The following EVA1C variants were observed in gnomAD, a reference collection of about 807,000 sequenced individuals.
EVA1C encodes the protein protein eva-1 homolog C.
In EVA1C, 25 loss-of-function variants were observed where a neutral mutation model predicts 45.4. The ratio of observed to expected loss-of-function variants is 0.55; its 90% CI spans 0.40 to 0.77. The LOEUF is 0.77. Ranked by LOEUF, EVA1C falls within the 30% of genes least tolerant of loss-of-function variation. The probability of loss-of-function intolerance (pLI) is 0.00; values close to 1 mark genes in which losing one functional copy is unlikely to be tolerated. For missense variants in EVA1C, 479 were observed against 554.8 expected (o/e 0.86, Z 1.37); for synonymous variants, 190 against 221.2 (o/e 0.86, Z 1.25).
chr21:32,460,713 A>T (rs2035965269), intron 3 of EVA1C, among the ~76,000 whole-genome samples: 2 of 151,850 alleles, frequency 1.3e-5, no homozygotes, highest in Middle Eastern at 3.4e-3. Flanking sequence ...TCAGGGCTTC[A>T]TGGAGAGGCA....
At chr21:32,488,168 A>G (rs1465778423) in intron 4 of EVA1C, among the ~76,000 whole-genome samples, 1 of 152,244 alleles carries the variant, frequency 6.6e-6, no homozygotes, top group Non-Finnish European at 1.5e-5. Context: ...ATACAACTCA[A>G]CTGTAAAAAG....
chr21:32,493,825 A>C (rs1342849790), intron 4 of EVA1C: 1 of 149,894 alleles, frequency 6.7e-6, no homozygotes, highest in East Asian at 2.0e-4. Flanking sequence ...TTTGAGACGC[A>C]GTCTTGCTTG....
intron 4 of EVA1C, among the ~76,000 whole-genome samples, chr21:32,484,862 C>T (rs1317033611): frequency 1.3e-5 from 2 of 152,198 alleles, no homozygotes; most frequent in African/African-American, 2.4e-5. Context: ...CGGCCTCTGC[C>T]ATCTCCATAG....
intron 1 of EVA1C, among the ~76,000 whole-genome samples, chr21:32,435,851 T>TAA (rs1555852437): frequency 4.9e-4 from 52 of 105,198 alleles, no homozygotes; most frequent in African/African-American, 1.6e-3. Flanking sequence ...TCCTTCTAAG[T>TAA]AAAGAAAAAT....
intron 7 of EVA1C, among the ~76,000 whole-genome samples, chr21:32,514,413 T>G (rs2038069928): frequency 6.6e-6 from 1 of 152,194 alleles, no homozygotes; most frequent in Non-Finnish European, 1.5e-5. Flanking sequence ...TTATAGGAAT[T>G]AACTCATTTC....
chr21:32,509,221 G>T (rs1457040144), intron 7 of EVA1C, among the ~76,000 whole-genome samples: 3 of 152,232 alleles, frequency 2.0e-5, no homozygotes, highest in Non-Finnish European at 4.4e-5. Flanking sequence ...CCAACATCTG[G>T]TGAGTTTGTA....
intron 4 of EVA1C, among the ~76,000 whole-genome samples, chr21:32,477,702 CTCCCCCG>C (rs2036616618): frequency 2.6e-5 from 2 of 76,496 alleles, no homozygotes; most frequent in Non-Finnish European, 5.5e-5. Context: ...ACGCTCTCAC[CTCCCCCG>C]TACGCCCTCA....
chr21:32,446,897 C>T (rs532695406), intron 1 of EVA1C, among the ~76,000 whole-genome samples: 6 of 152,308 alleles, frequency 3.9e-5, no homozygotes, highest in Admixed American at 2.0e-4. Context: ...CTCGTGGGCA[C>T]AGCCTCCTGC....
chr21:32,449,224 C>T (rs1376768089), intron 1 of EVA1C, among the ~76,000 whole-genome samples: 2 of 152,190 alleles, frequency 1.3e-5, no homozygotes, highest in Admixed American at 6.5e-5. Context: ...ATCACTATCA[C>T]CCAGAGTCCA....
At chr21:32,484,050 T>G (rs931522804) in intron 4 of EVA1C, among the ~76,000 whole-genome samples, 1 of 151,926 alleles carries the variant, frequency 6.6e-6, no homozygotes, top group African/African-American at 2.4e-5. Flanking sequence ...ACTTTCCAAT[T>G]TTTTAGTGGT....
At chr21:32,420,934 G>A (rs1171932410) in intron 1 of EVA1C, among the ~76,000 whole-genome samples, 2 of 152,216 alleles carry the variant, frequency 1.3e-5, no homozygotes, top group Non-Finnish European at 2.9e-5. Context: ...TGGCACTTCT[G>A]TCATGTTTAT....
intron 4 of EVA1C, chr21:32,493,772 T>C (rs764198835): frequency 2.7e-5 from 2 of 75,092 alleles, no homozygotes; most frequent in Non-Finnish European, 5.1e-5. Context: ...GGTAGGCTTT[T>C]TATTTATTTA....
intron 5 of EVA1C, among the ~76,000 whole-genome samples, chr21:32,495,943 C>T (rs1017071991): frequency 2.6e-5 from 4 of 152,198 alleles, no homozygotes; most frequent in Non-Finnish European, 5.9e-5. Flanking sequence ...GCTTTTTCCC[C>T]TGCCAAACAT....
chr21:32,425,880 A>G (rs1416014022), intron 1 of EVA1C, among the ~76,000 whole-genome samples: 2 of 152,144 alleles, frequency 1.3e-5, no homozygotes, highest in East Asian at 3.9e-4. Flanking sequence ...TCCTTGTGCT[A>G]AGGTTGAGGA....
intron 1 of EVA1C, among the ~76,000 whole-genome samples, chr21:32,427,668 G>A (rs1281142147): frequency 1.3e-5 from 2 of 151,592 alleles, no homozygotes; most frequent in Non-Finnish European, 2.9e-5. Context: ...AGCCGATATC[G>A]TGCCACTGCA....
chr21:32,506,392 T>C (rs578258412), intron 7 of EVA1C, among the ~76,000 whole-genome samples: 2 of 151,666 alleles, frequency 1.3e-5, no homozygotes, highest in East Asian at 3.9e-4. Context: ...TCCATTTTTT[T>C]AAAATGTAAG....
intron 7 of EVA1C, among the ~76,000 whole-genome samples, chr21:32,512,262 C>T (rs537859668): frequency 2.0e-5 from 3 of 152,052 alleles, no homozygotes; most frequent in South Asian, 2.1e-4. Context: ...AAAAGTAATT[C>T]GTTAGACATA....
At chr21:32,476,245 CT>C (rs934275323) in intron 4 of EVA1C, among the ~76,000 whole-genome samples, 7 of 152,006 alleles carry the variant, frequency 4.6e-5, no homozygotes, top group African/African-American at 1.7e-4. Context: ...AATTATCCCC[CT>C]ATCCTCGGGT....
At chr21:32,445,482 T>C (rs1047365741) in intron 1 of EVA1C, among the ~76,000 whole-genome samples, 1 of 152,184 alleles carries the variant, frequency 6.6e-6, no homozygotes, top group Non-Finnish European at 1.5e-5. Flanking sequence ...AGGAACCAAA[T>C]GGGAGGCAGG....
Sources: gnomAD v4.1 joint callset for allele counts (sites outside exome capture counted in the v4.1 genomes callset) on GRCh38, gnomAD v4.1.1 for gene constraint, MANE v1.5 for transcripts, NCBI Gene and HGNC (gene_info 2026-07-23, HGNC 2026-07-21) for gene names.